CDH13: variants seen among roughly 807,000 people sequenced by gnomAD.
The protein encoded by CDH13 is cadherin 13, also known as cadherin-13.
CDH13 carries 24 observed loss-of-function variants against 63.8 expected under a neutral mutation model. That is an observed-to-expected ratio of 0.38 (90% CI 0.27 to 0.53). CDH13 has a LOEUF of 0.53. Among genes scored for constraint, CDH13 ranks in the 20% least tolerant of loss-of-function variants. The pLI is 0.85. For missense variants in CDH13, 1,049 were observed against 903.1 expected, an observed-to-expected ratio of 1.16 and a Z score of -2.07; for synonymous variants, 503 against 355.3, an observed-to-expected ratio of 1.42 and a Z score of -4.67.
chr16:83,003,321 T>C (rs893363751), intron 2 of CDH13, among the ~76,000 whole-genome samples: 1 of 152,136 alleles, frequency 6.6e-6, no homozygotes, highest in Non-Finnish European at 1.5e-5. Flanking sequence ...CTTCAGAATG[T>C]TTCAGTAGCT....
chr16:83,512,796 C>A (rs2074604112), intron 7 of CDH13, among the ~76,000 whole-genome samples: 1 of 152,202 alleles, frequency 6.6e-6, no homozygotes, highest in Non-Finnish European at 1.5e-5. Context: ...AGCCACATCC[C>A]CTGAGATCCT....
chr16:83,245,041 G>C (rs1904850273), intron 5 of CDH13, among the ~76,000 whole-genome samples: 1 of 151,696 alleles, frequency 6.6e-6, no homozygotes, highest in Non-Finnish European at 1.5e-5. Context: ...TACCAGCCAA[G>C]AGCCAACCTT....
At chr16:83,365,960 C>T (rs1183371678) in intron 6 of CDH13, among the ~76,000 whole-genome samples, 1 of 152,150 alleles carries the variant, frequency 6.6e-6, no homozygotes, top group Non-Finnish European at 1.5e-5. Context: ...GCCTTATGAG[C>T]CCCTAAGCAG....
chr16:83,418,419 G>C (rs2071616610), intron 6 of CDH13, among the ~76,000 whole-genome samples: 1 of 152,084 alleles, frequency 6.6e-6, no homozygotes, highest in Non-Finnish European at 1.5e-5. Context: ...AGATATAGTA[G>C]TCTTGGAGTA....
chr16:82,928,551 G>A (rs1378496637), intron 2 of CDH13, among the ~76,000 whole-genome samples: 1 of 152,136 alleles, frequency 6.6e-6, no homozygotes, highest in East Asian at 1.9e-4. Flanking sequence ...GGGCAACATA[G>A]AATATTCTAC....
chr16:83,180,277 G>A (rs1288541303), intron 4 of CDH13, among the ~76,000 whole-genome samples: 1 of 151,970 alleles, frequency 6.6e-6, no homozygotes, highest in South Asian at 2.1e-4. Context: ...TGCTATTGTA[G>A]TCTTTGGAGG....
intron 2 of CDH13, among the ~76,000 whole-genome samples, chr16:82,906,536 T>C (rs1389580070): frequency 1.3e-5 from 2 of 152,220 alleles, no homozygotes; most frequent in Non-Finnish European, 2.9e-5. Context: ...TGACAAAGGC[T>C]GGTTTCTCAT....
chr16:83,257,927 T>G (rs1385761125), intron 5 of CDH13, among the ~76,000 whole-genome samples: 1 of 152,222 alleles, frequency 6.6e-6, no homozygotes, highest in African/African-American at 2.4e-5. Flanking sequence ...CTCACCAGCA[T>G]CTGTTATTTT....
At chr16:83,558,791 C>T (rs1461932899) in intron 7 of CDH13, among the ~76,000 whole-genome samples, 1 of 152,166 alleles carries the variant, frequency 6.6e-6, no homozygotes, top group African/African-American at 2.4e-5. Context: ...AGAGAAATAA[C>T]TTCAGGGAAA....
chr16:83,617,860 G>T (rs922470282), intron 8 of CDH13, among the ~76,000 whole-genome samples: 1 of 151,596 alleles, frequency 6.6e-6, no homozygotes, highest in Non-Finnish European at 1.5e-5. Flanking sequence ...GTCCTAATAC[G>T]TACATATTCT....
intron 7 of CDH13, among the ~76,000 whole-genome samples, chr16:83,510,511 A>G (rs781063527): frequency 2.6e-5 from 4 of 152,204 alleles, no homozygotes; most frequent in Admixed American, 6.5e-5. Context: ...AAATGCTACC[A>G]GGAAAAGAGA....
chr16:83,342,544 C>T (rs1284611627), intron 5 of CDH13, among the ~76,000 whole-genome samples: 1 of 152,162 alleles, frequency 6.6e-6, no homozygotes, highest in Non-Finnish European at 1.5e-5. Context: ...AGTTTTGTAA[C>T]ATAAAATACC....
intron 2 of CDH13, among the ~76,000 whole-genome samples, chr16:82,889,884 G>A (rs2041019472): frequency 6.6e-6 from 1 of 152,222 alleles, no homozygotes; most frequent in Admixed American, 6.6e-5. Context: ...TAAAAGAGAT[G>A]CTTGCTCAAG....
At chr16:83,504,326 C>T (rs569535619) in intron 7 of CDH13, among the ~76,000 whole-genome samples, 49 of 152,294 alleles carry the variant, frequency 3.2e-4, no homozygotes, top group Middle Eastern at 6.8e-3. Context: ...GTTCCAACCT[C>T]ACCCTTACTT....
chr16:83,632,264 A>G (rs1164006986), intron 8 of CDH13, among the ~76,000 whole-genome samples: 1 of 25,988 alleles, frequency 3.8e-5, no homozygotes. Flanking sequence ...CTGACACTGT[A>G]GAGACGTGTC....
chr16:83,013,834 G>C (rs2151440015), intron 2 of CDH13, among the ~76,000 whole-genome samples: 1 of 152,296 alleles, frequency 6.6e-6, no homozygotes, highest in Admixed American at 6.5e-5. Flanking sequence ...TTATTCTAGT[G>C]AGAGAGACAC....
chr16:83,379,717 T>G (rs2091521930), intron 6 of CDH13, among the ~76,000 whole-genome samples: 2 of 152,096 alleles, frequency 1.3e-5, no homozygotes, highest in South Asian at 2.1e-4. Context: ...CAGTTGTTCA[T>G]TACTGCATTG....
chr16:82,807,675 G>T (rs1179740840), intron 1 of CDH13, among the ~76,000 whole-genome samples: 1 of 152,160 alleles, frequency 6.6e-6, no homozygotes, highest in East Asian at 1.9e-4. Flanking sequence ...GCCTTTATGA[G>T]TTGGAAGAAG....
chr16:83,348,799 A>G (rs754655117), intron 6 of CDH13, among the ~76,000 whole-genome samples: 2 of 152,236 alleles, frequency 1.3e-5, no homozygotes, highest in Admixed American at 1.3e-4. Context: ...GTGAGGATTC[A>G]GTGAGACAAC....
Sources: gnomAD v4.1 joint callset for allele counts (sites outside exome capture counted in the v4.1 genomes callset) on GRCh38, gnomAD v4.1.1 for gene constraint, MANE v1.5 for transcripts, NCBI Gene and HGNC (gene_info 2026-07-23, HGNC 2026-07-21) for gene names.